Variants in TUT4 observed in about 807,000 individuals in gnomAD.
TUT4 encodes the protein terminal uridylyl transferase 4.
Under a neutral mutation model 192.2 loss-of-function variants are expected in TUT4, and 36 were observed. That is an observed-to-expected ratio of 0.19 (90% CI 0.14 to 0.25). The LOEUF (loss-of-function observed/expected upper bound fraction) is 0.25, where lower values mean the gene tolerates loss of function less well. TUT4 is among the 10% of genes least tolerant of loss of function. The pLI is 1.00. For missense variants in TUT4, 1,493 were observed against 1,957.2 expected (o/e 0.76, Z 4.47); for synonymous variants, 618 against 666.0 (o/e 0.93, Z 1.11).
intron 1 of TUT4, among the ~76,000 whole-genome samples, chr1:52,528,798 TG>T (rs1315342288): frequency 6.6e-6 from 1 of 152,122 alleles, no homozygotes; most frequent in Non-Finnish European, 1.5e-5. Flanking sequence ...CACTGCAGCC[TG>T]GAACTCCTGG....
At chr1:52,440,930 T>C (rs934005120) in intron 24 of TUT4, among the ~76,000 whole-genome samples, 1 of 152,212 alleles carries the variant, frequency 6.6e-6, no homozygotes, top group Non-Finnish European at 1.5e-5. Context: ...TGGAGGGAGA[T>C]AACAGTTCAT....
At chr1:52,476,754 A>C (rs1044159014) in intron 12 of TUT4, among the ~76,000 whole-genome samples, 1 of 152,218 alleles carries the variant, frequency 6.6e-6, no homozygotes, top group Non-Finnish European at 1.5e-5. Flanking sequence ...AAATGTTTGC[A>C]TGTATATTTC....
At chr1:52,543,761 G>C (rs558287010) in intron 1 of TUT4, among the ~76,000 whole-genome samples, 4 of 152,028 alleles carry the variant, frequency 2.6e-5, no homozygotes, top group South Asian at 2.1e-4. Flanking sequence ...TGGGATTACA[G>C]GCATGAGCCA....
intron 20 of TUT4, among the ~76,000 whole-genome samples, chr1:52,451,524 T>G (rs1659416215): frequency 6.6e-6 from 1 of 152,190 alleles, no homozygotes; most frequent in African/African-American, 2.4e-5. Flanking sequence ...ATAACCTAGA[T>G]GAAATGAACT....
intron 20 of TUT4, among the ~76,000 whole-genome samples, chr1:52,457,822 T>G (rs1358092613): frequency 6.6e-6 from 1 of 152,194 alleles, no homozygotes; most frequent in African/African-American, 2.4e-5. Flanking sequence ...AATCTGTTTC[T>G]TTCAATGTAC....
intron 1 of TUT4, among the ~76,000 whole-genome samples, chr1:52,528,073 A>G (rs906027913): frequency 1.3e-5 from 2 of 151,570 alleles, no homozygotes; most frequent in African/African-American, 4.9e-5. Flanking sequence ...TACCTATTTA[A>G]GAGGCTGAGG....
At chr1:52,464,967 C>A (rs1663706839) in intron 16 of TUT4, 103 bp downstream of exon 16, 1 of 856,444 alleles carries the variant, frequency 1.2e-6, no homozygotes, top group Admixed American at 3.2e-5. Flanking sequence ...TATATTTATA[C>A]AAAGAGTGAT....
At chr1:52,453,104 G>A (rs1278811787) in intron 20 of TUT4, among the ~76,000 whole-genome samples, 1 of 152,236 alleles carries the variant, frequency 6.6e-6, no homozygotes, top group Non-Finnish European at 1.5e-5. Flanking sequence ...CATTTTGGGG[G>A]CTGGGCGTGG....
intron 2 of TUT4, among the ~76,000 whole-genome samples, chr1:52,521,737 G>A (rs967957528): frequency 2.6e-5 from 4 of 151,952 alleles, no homozygotes; most frequent in African/African-American, 9.7e-5. Context: ...AGGCCAAGGT[G>A]GGTGGATCAC....
intron 16 of TUT4, chr1:52,463,608 C>A: frequency 7.7e-7 from 1 of 1,293,874 alleles, no homozygotes; most frequent in Non-Finnish European, 1.0e-6. Flanking sequence ...TGCAAACAGT[C>A]CCGCATTTTG....
intron 12 of TUT4, among the ~76,000 whole-genome samples, chr1:52,476,024 T>C (rs888642249): frequency 3.9e-5 from 6 of 152,090 alleles, no homozygotes; most frequent in Non-Finnish European, 8.8e-5. Flanking sequence ...TTTGTATTTT[T>C]AGTAGAGATG....
At chr1:52,465,209 T>C in intron 15 of TUT4, 36 bp from the exon 16 acceptor site, 11 of 1,525,792 alleles carry the variant, frequency 7.2e-6, no homozygotes, top group Non-Finnish European at 9.9e-6. Flanking sequence ...GGCCTTATTA[T>C]AAGCAGAGAG....
intron 1 of TUT4, 28 bp downstream of exon 1, chr1:52,552,903 A>T (rs1437033816): frequency 6.5e-6 from 1 of 152,886 alleles, no homozygotes; most frequent in Non-Finnish European, 1.5e-5. Context: ...TCGGTACCCG[A>T]CGCTGCCCCG....
At chr1:52,538,607 A>C (rs1194165748) in intron 1 of TUT4, 2 of 149,226 alleles carry the variant, frequency 1.3e-5, no homozygotes, top group African/African-American at 4.9e-5. Flanking sequence ...CAATCATGCC[A>C]CTGCACTCCA....
At chr1:52,537,012 T>C (rs896664922) in intron 1 of TUT4, among the ~76,000 whole-genome samples, 2 of 151,516 alleles carry the variant, frequency 1.3e-5, no homozygotes, top group African/African-American at 2.4e-5. Flanking sequence ...AACAAAAAAT[T>C]AGCCGGGCAT....
rs1226077331 is a variant in TUT4, at chr1:52,446,392, A to C, written c.3564T>G (p.Leu1188=). Residue 1188 remains leucine (L), a synonymous_variant, in exon 22 of 30, where the codon CTT becomes CTG. Transcript: ENST00000257177. The part of the protein sequence containing the change: ...LGKNTESLGE[L]WLGLLRFYTE... ...TATAGAAACGAAGCAGTCCCAGCCA[A>C]AGCTCCCCTAATGATTCTGTGTTCT... 1 of 1,612,862 alleles carries C rather than the reference A, an allele frequency of 6.2e-7. No homozygotes were observed. The highest frequency in any genetic ancestry group is 1.3e-5 in the African/African-American group (1 of 74,838).
At chr1:52,435,182 C>G in intron 27 of TUT4, 183 bp downstream of exon 27, 1 of 410,198 alleles carries the variant, frequency 2.4e-6, no homozygotes, top group Non-Finnish European at 4.3e-6. Context: ...TAGACAGAAA[C>G]CCAGATCTAC....
At chr1:52,533,720 C>G (rs1684110747) in intron 1 of TUT4, among the ~76,000 whole-genome samples, 2 of 152,110 alleles carry the variant, frequency 1.3e-5, no homozygotes, top group South Asian at 4.1e-4. Flanking sequence ...GTAATCCGAG[C>G]ACTTTGGGAG....
chr1:52,436,648 A>C (rs1275440138), intron 26 of TUT4, 107 bp downstream of exon 26: 2 of 1,525,552 alleles, frequency 1.3e-6, no homozygotes, highest in Non-Finnish European at 1.8e-6. Context: ...AAGGTCCAAA[A>C]TCATACAATT....
Sources: allele counts gnomAD v4.1 joint callset (sites outside exome capture counted in the v4.1 genomes callset), GRCh38; gene constraint gnomAD v4.1.1; transcripts MANE v1.5; gene names NCBI Gene and HGNC (gene_info 2026-07-23, HGNC 2026-07-21).